Variants in ANO3 observed in about 807,000 individuals in gnomAD.
The protein encoded by ANO3 is anoctamin-3.
ANO3 carries 99 observed loss-of-function variants against 144.8 expected under a neutral mutation model. The observed-to-expected ratio is 0.68, with a 90% confidence interval of 0.58 to 0.81. The LOEUF (loss-of-function observed/expected upper bound fraction) is 0.81. ANO3 is among the 30% of genes least tolerant of loss of function. The probability of loss-of-function intolerance (pLI) is 0.00; values close to 1 mark genes in which losing one functional copy is unlikely to be tolerated. For synonymous variants in ANO3, 414 were observed against 392.6 expected (o/e 1.05, Z -0.64); for missense variants, 905 against 1,202.2 (o/e 0.75, Z 3.66).
chr11:26,189,334 A>G, intron 1 of ANO3: 1 of 985,110 alleles, frequency 1.0e-6, no homozygotes, highest in South Asian at 4.7e-5. Flanking sequence ...CCGACTGGTA[A>G]GCTAACCTTT....
chr11:26,437,622 AGT>A (rs1377217578), intron 1 of ANO3, among the ~76,000 whole-genome samples: 1 of 49,434 alleles, frequency 2.0e-5, no homozygotes, highest in African/African-American at 8.5e-5. Flanking sequence ...TTTCCACGAG[AGT>A]GGGCACACTA....
chr11:26,634,158 A>T, intron 18 of ANO3, 46 bp from the exon 19 acceptor site: 1 of 1,171,152 alleles, frequency 8.5e-7, no homozygotes, highest in Non-Finnish European at 1.3e-6. Flanking sequence ...GAGTCTTGAT[A>T]TTCACCTCAC....
At chr11:26,388,034 A>G (rs12274319) in intron 1 of ANO3, among the ~76,000 whole-genome samples, 1 of 151,114 alleles carries the variant, frequency 6.6e-6, no homozygotes, top group Non-Finnish European at 1.5e-5. Context: ...TTTTATGGCT[A>G]TATTTATATT....
chr11:26,643,204 C>A lies in ANO3; in HGVS notation c.2298C>A (p.Thr766=). The A allele has an allele frequency of 1.2e-6, 2 of 1,614,012 alleles. No homozygotes were observed. The highest frequency in any genetic ancestry group is 1.7e-6 in the Non-Finnish European group (2 of 1,179,940). Residue 766 remains threonine (T), a synonymous_variant, in exon 23 of 27, where the codon ACC becomes ACA. Coordinates refer to ENST00000256737, the MANE Select transcript of ANO3 (RefSeq NM_031418.4). ...CAGTTTTGCAATTTGGTTTTACCAC[C>A]ATCTTTGTTGCGGCTTTTCCTCTAG... ...LEMVLQFGFT[T]IFVAAFPLAP... is the part of the protein sequence containing the mutation.
intron 1 of ANO3, among the ~76,000 whole-genome samples, chr11:26,338,930 C>T (rs1855274216): frequency 1.3e-5 from 2 of 152,184 alleles, no homozygotes; most frequent in South Asian, 2.1e-4. Flanking sequence ...AGACCAAGAA[C>T]CCACTGGAAG....
At chr11:26,246,424 GATAA>G (rs1297152375) in intron 1 of ANO3, among the ~76,000 whole-genome samples, 4 of 147,110 alleles carry the variant, frequency 2.7e-5, no homozygotes, top group Non-Finnish European at 4.5e-5. Flanking sequence ...TTATCAATCT[GATAA>G]ATGAGAAATA....
intron 1 of ANO3, among the ~76,000 whole-genome samples, chr11:26,256,217 A>G (rs1372687378): frequency 6.6e-6 from 1 of 152,184 alleles, no homozygotes; most frequent in African/African-American, 2.4e-5. Flanking sequence ...TTAGCACTTC[A>G]AGATTATACC....
In ANO3 at chr11:26,564,780, T is replaced by A. The variant is rs1424730762; in HGVS notation, c.1447+5001T>A. Among the ~76,000 whole-genome samples the A allele has an allele frequency of 3.2e-5, 3 of 92,644 alleles. No individual in the cohort carries two copies. In the Admixed American group the frequency reaches 3.3e-4, roughly 10 times the overall value. The allele number at this position is 92,644 out of a possible 152,430, so 60.8% of individuals were successfully genotyped here. A position where few individuals can be genotyped will look rare whatever the true frequency, so the allele number is the denominator to read the frequency against. On this transcript the variant is annotated intron_variant, in intron 14 of 26. Coordinates refer to ENST00000256737, the MANE Select transcript of ANO3 (RefSeq NM_031418.4). ...ATATATATATATATATATATATATA[T>A]ATATAAGTTCAGTTGTATAGTATTC...
chr11:26,405,970 TA>T (rs1412109939), intron 1 of ANO3, among the ~76,000 whole-genome samples: 1 of 151,902 alleles, frequency 6.6e-6, no homozygotes, highest in Non-Finnish European at 1.5e-5. Flanking sequence ...GTGGTATTTT[TA>T]CATTTTAAGC....
At chr11:26,326,059 T>G (rs1018405085) in intron 1 of ANO3, among the ~76,000 whole-genome samples, 2 of 152,170 alleles carry the variant, frequency 1.3e-5, no homozygotes, top group South Asian at 2.1e-4. Flanking sequence ...CAAGTGCTGA[T>G]TTTTTTCAGT....
At chr11:26,275,479 AG>A (rs1456848952) in intron 1 of ANO3, among the ~76,000 whole-genome samples, 1 of 152,122 alleles carries the variant, frequency 6.6e-6, no homozygotes, top group African/African-American at 2.4e-5. Flanking sequence ...TAAATGCTGA[AG>A]CCCATAGTTT....
At chr11:26,391,793 G>C (rs1363999795) in intron 1 of ANO3, among the ~76,000 whole-genome samples, 5 of 151,994 alleles carry the variant, frequency 3.3e-5, no homozygotes, top group Non-Finnish European at 7.4e-5. Context: ...TCTTTTATGT[G>C]TAGCCAACAT....
At chr11:26,497,037 CA>C (rs1860985428) in intron 4 of ANO3, among the ~76,000 whole-genome samples, 1 of 149,798 alleles carries the variant, frequency 6.7e-6, no homozygotes, top group African/African-American at 2.5e-5. Context: ...CACACACACA[CA>C]CACACACACT....
At chr11:26,329,985 T>C (rs1162476070), upstream of ANO3, among the ~76,000 whole-genome samples, 1 of 152,128 alleles carries the variant, frequency 6.6e-6, no homozygotes, top group African/African-American at 2.4e-5. Context: ...GAGGGGACTT[T>C]AATTCTTTTA....
At position 26,278,113 on chromosome 11, in the gene ANO3, G is replaced by A. The variant is rs977137704; in HGVS notation, c.155-31532G>A. 2.6e-5 allele frequency among the ~76,000 whole-genome samples: 4 copies of A among 152,144 alleles called. No individual in the cohort carries two copies. In the East Asian group the frequency reaches 7.7e-4, roughly 29 times the overall value. On this transcript the variant is annotated intron_variant, in intron 1 of 27. Transcript: ENST00000672621. ...CCAGATTCTCTTTCTCTGCTTCTGT[G>A]TGTGCCCGTGTGCTTCCGGTGCTAT...
intron 12 of ANO3, among the ~76,000 whole-genome samples, chr11:26,552,292 C>T (rs1461627797): frequency 6.6e-6 from 1 of 150,928 alleles, no homozygotes; most frequent in East Asian, 1.9e-4. Context: ...ACTTGAAATA[C>T]ACATGGAAAT....
chr11:26,538,300 C>T (rs1849561962), intron 10 of ANO3, among the ~76,000 whole-genome samples: 1 of 152,114 alleles, frequency 6.6e-6, no homozygotes, highest in African/African-American at 2.4e-5. Flanking sequence ...ATCAAAGGCG[C>T]AGTTTTGAGC....
chr11:26,609,585 T>A (rs2132960239), intron 17 of ANO3, among the ~76,000 whole-genome samples: 1 of 152,186 alleles, frequency 6.6e-6, no homozygotes, highest in South Asian at 2.1e-4. Context: ...CACCGCTGCT[T>A]CTAGTCAGCC....
At chr11:26,377,930 T>C (rs994141401) in intron 1 of ANO3, among the ~76,000 whole-genome samples, 2 of 152,090 alleles carry the variant, frequency 1.3e-5, no homozygotes, top group Admixed American at 1.3e-4. Context: ...GAAACAGCCA[T>C]CTTTAATGTG....
Sources: gnomAD v4.1 joint callset for allele counts (sites outside exome capture counted in the v4.1 genomes callset) on GRCh38, gnomAD v4.1.1 for gene constraint, MANE v1.5 for transcripts, NCBI Gene and HGNC (gene_info 2026-07-23, HGNC 2026-07-21) for gene names.